PADI3: variants seen among roughly 807,000 people sequenced by gnomAD.
The protein encoded by PADI3 is protein-arginine deiminase type-3.
Under a neutral mutation model 71.5 loss-of-function variants are expected in PADI3, and 53 were observed. That is an observed-to-expected ratio of 0.74 (90% confidence interval 0.59 to 0.93). PADI3 has a LOEUF of 0.93. Among genes scored for constraint, PADI3 ranks in the 40% least tolerant of loss-of-function variants. The pLI, the probability that PADI3 is intolerant of heterozygous loss-of-function variation, is 0.00. For synonymous variants in PADI3, 361 were observed against 347.5 expected, an observed-to-expected ratio of 1.04 and a Z score of -0.43; for missense variants, 821 against 868.0, an observed-to-expected ratio of 0.95 and a Z score of 0.68.
At chr1:17,282,390 T>C (rs2073412909) in intron 15 of PADI3, among the ~76,000 whole-genome samples, 1 of 152,152 alleles carries the variant, frequency 6.6e-6, no homozygotes, top group Non-Finnish European at 1.5e-5. Flanking sequence ...CCTTTGCTTC[T>C]CTGTTCCTGG....
intron 1 of PADI3, among the ~76,000 whole-genome samples, chr1:17,258,404 C>A (rs745328072): frequency 1.3e-5 from 2 of 152,240 alleles, no homozygotes; most frequent in African/African-American, 2.4e-5. Context: ...CAGTGGGCAC[C>A]CCACAGTCAA....
At chr1:17,257,779 G>A (rs1174781820) in intron 1 of PADI3, among the ~76,000 whole-genome samples, 2 of 152,198 alleles carry the variant, frequency 1.3e-5, no homozygotes, top group East Asian at 3.9e-4. Flanking sequence ...GGCCAGCTGT[G>A]GAAATTTGGG....
At position 17,270,272 on chromosome 1, in the gene PADI3, G is replaced by T; in HGVS notation, c.692G>T (p.Gly231Val). The stretch of plus-strand genomic sequence containing the variant: ...TGTGAGGCCTATAGGCATGTGCTGG[G>T]CCAAGATAAGGTGTCCTATGAGGTA... ...DVCEAYRHVL[G>V]QDKVSYEVPR... is the part of the protein sequence containing the mutation. The change falls in exon 7 of 16, where the codon GGC becomes GTC. Residue 231 changes from glycine (G) to valine (V), a missense_variant. Coordinates refer to ENST00000375460, the MANE Select transcript of PADI3 (RefSeq NM_016233.2). 4 of 1,613,806 alleles carry T rather than the reference G, an allele frequency of 2.5e-6. No homozygotes were observed. The highest frequency in any genetic ancestry group is 3.4e-6 in the Non-Finnish European group (4 of 1,179,844).
intron 9 of PADI3, among the ~76,000 whole-genome samples, chr1:17,272,093 G>A (rs1385458282): frequency 6.6e-6 from 1 of 152,180 alleles, no homozygotes; most frequent in Non-Finnish European, 1.5e-5. Context: ...ATAACCCCCT[G>A]TAAGTCCCCC....
chr1:17,258,236 C>A (rs1318706367), intron 1 of PADI3, among the ~76,000 whole-genome samples: 1 of 152,238 alleles, frequency 6.6e-6, no homozygotes, highest in East Asian at 1.9e-4. Context: ...CTCCAACTCG[C>A]AGTGGCCTCT....
chr1:17,280,608 G>A (rs2073388091), intron 14 of PADI3, 63 bp from the exon 15 acceptor site: 2 of 1,608,538 alleles, frequency 1.2e-6, no homozygotes, highest in East Asian at 2.2e-5. Flanking sequence ...GCGACAGGAT[G>A]CCTTGGTGCC....
chr1:17,270,299 C>A lies in PADI3; in HGVS notation c.719C>A (p.Pro240His), dbSNP rs760135960. ...LGQDKVSYEV[P>H]RLHGDEERFF... ...CAAGATAAGGTGTCCTATGAGGTAC[C>A]CCGCTTGCATGGGGATGAGGAGCGC... The change falls in exon 7 of 16, where the codon CCC becomes CAC. Residue 240 changes from proline to histidine, a missense_variant. Pro to His is a moderately conservative substitution (Grantham distance 77). Coordinates refer to ENST00000375460, the MANE Select transcript of PADI3 (RefSeq NM_016233.2). 1 of 1,613,934 alleles carries A rather than the reference C, an allele frequency of 6.2e-7. No homozygotes were observed. The highest frequency in any genetic ancestry group is 1.3e-5 in the African/African-American group (1 of 74,960).
chr1:17,262,269 A>G (rs1173475664), intron 3 of PADI3, 64 bp downstream of exon 3: 2 of 1,216,826 alleles, frequency 1.6e-6, no homozygotes, highest in Non-Finnish European at 1.2e-6. Context: ...AGCAGTACAA[A>G]AGAGTATACG....
intron 15 of PADI3, among the ~76,000 whole-genome samples, chr1:17,282,421 A>G (rs1051507335): frequency 2.0e-5 from 3 of 152,118 alleles, no homozygotes; most frequent in Non-Finnish European, 1.5e-5. Context: ...GAGTATGGCC[A>G]TGCACAGAGA....
At position 17,283,078 on chromosome 1, in the gene PADI3, G is replaced by T; in HGVS notation, c.1994G>T (p.Ter665LeuextTer40). ...FSFKWWNMVP[*>L] ...TTCAAGTGGTGGAACATGGTGCCCT[G>T]AGACAGCTCCCACCCACCATCCTGT... Residue 665 changes from the stop codon to leucine, a stop_lost, in exon 16 of 16, where the codon TGA becomes TTA. Coordinates refer to ENST00000375460, the MANE Select transcript of PADI3 (RefSeq NM_016233.2). 1 of 1,612,568 alleles carries T rather than the reference G, an allele frequency of 6.2e-7. No homozygotes were observed. The highest frequency in any genetic ancestry group is 8.5e-7 in the Non-Finnish European group (1 of 1,178,674).
At chr1:17,253,446 T>C (rs949018286) in intron 1 of PADI3, among the ~76,000 whole-genome samples, 17 of 152,098 alleles carry the variant, frequency 1.1e-4, no homozygotes, top group South Asian at 2.1e-4. Context: ...TAACAGCACA[T>C]GGAAAAGACA....
intron 4 of PADI3, among the ~76,000 whole-genome samples, chr1:17,266,040 T>G (rs1181454889): frequency 6.6e-6 from 1 of 152,210 alleles, no homozygotes; most frequent in African/African-American, 2.4e-5. Context: ...TATTTTAGGC[T>G]TTGTGGGACA....
rs373080079 is a variant in PADI3 at position 17,275,049 on chromosome 1, GGTAA to G, written c.1307+266_1307+269del. On this transcript the variant is annotated intron_variant, in intron 11 of 15. Transcript: ENST00000375460. Reference sequence around the variant, plus strand: ...TCATTTTACAAGTGGGCCCAGAGAGGGTAAGTGAGTCACATAGAAAGCAAAGTTA... The same window carrying G: ...TCATTTTACAAGTGGGCCCAGAGAGGGTGAGTCACATAGAAAGCAAAGTTA... Among the ~76,000 whole-genome samples, 12 of 152,070 alleles carry G rather than the reference GGTAA, an allele frequency of 7.9e-5. No homozygotes were observed. The South Asian group carries it at 1.2e-3, about 16-fold the overall frequency.
At chr1:17,275,436 C>CAA (rs10617336) in intron 11 of PADI3, among the ~76,000 whole-genome samples, 40,623 of 89,292 alleles carry the variant, frequency 0.45, 9,740 homozygotes, top group East Asian at 0.68. Context: ...GACTCCGTCT[C>CAA]AAAAAAAAAA....
chr1:17,272,980 G>C (rs1349807298), intron 9 of PADI3, among the ~76,000 whole-genome samples: 1 of 152,148 alleles, frequency 6.6e-6, no homozygotes, highest in East Asian at 1.9e-4. Context: ...AACCAGAGGG[G>C]TCAGGACTGA....
At position 17,271,094 on chromosome 1, in the gene PADI3, T is replaced by C. The variant is rs756806020; in HGVS notation, c.963T>C (p.Asp321=). 5 of 1,614,056 alleles carry C rather than the reference T, an allele frequency of 3.1e-6. No homozygotes were observed. The South Asian group carries it at 5.5e-5, about 18-fold the overall frequency. ...TGAGGAACAACACGTGTTTTGTGGA[T>C]GCGGTGGCAGAGCTGGCCAGGAAGG... ...CRVRNNTCFV[D]AVAELARKAG... is the part of the protein sequence containing the mutation. The change falls in exon 9 of 16, where the codon GAT becomes GAC. Residue 321 remains aspartate, a synonymous_variant. Coordinates refer to ENST00000375460, the MANE Select transcript of PADI3 (RefSeq NM_016233.2).
intron 6 of PADI3, among the ~76,000 whole-genome samples, chr1:17,268,940 C>T (rs1569900347): frequency 1.4e-5 from 2 of 147,334 alleles, no homozygotes; most frequent in East Asian, 3.9e-4. Context: ...GGCTGGAGTG[C>T]AGTGGCATGA....
At position 17,280,743 on chromosome 1, in the gene PADI3, C is replaced by CCA. The variant is rs1224998691; in HGVS notation, c.1711_1712dup (p.Gln571HisfsTer19). The CCA allele has an allele frequency of 6.2e-7, 1 of 1,614,158 alleles. No individual in the cohort carries two copies. Among genetic ancestry groups the CCA allele is most frequent in the Middle Eastern group, 1.6e-4 (1 of 6,062 alleles). On this transcript the variant is annotated frameshift_variant, in exon 15 of 16. Coordinates refer to ENST00000375460, the MANE Select transcript of PADI3 (RefSeq NM_016233.2). LOFTEE classifies it high-confidence loss of function. ...GGCAGAGTGTGACATCATTGACATC[C>CCA]CACAGCTCTTCAAGACCGAGAGGAA...
Position 17,274,767 on chromosome 1 carries a change from AT to A in PADI3, c.1290del (p.Ile430MetfsTer46). ...GKEYPLGRIL[I>X]GGNLPGSSGR... Reference sequence around the variant, plus strand: ...AGAGTACCCCCTGGGGAGGATCCTCATTGGGGGCAACCTGCCTGGGTGAGAG... The same window carrying A: ...AGAGTACCCCCTGGGGAGGATCCTCATGGGGGCAACCTGCCTGGGTGAGAG... On this transcript the variant is annotated frameshift_variant, in exon 11 of 16. Transcript: ENST00000375460. LOFTEE classifies it high-confidence loss of function. 1 of 1,613,694 alleles carries A rather than the reference AT, an allele frequency of 6.2e-7. No homozygotes were observed. Among genetic ancestry groups the A allele is most frequent in the Non-Finnish European group, 8.5e-7 (1 of 1,179,788 alleles).
Sources: allele counts gnomAD v4.1 joint callset (sites outside exome capture counted in the v4.1 genomes callset), GRCh38; gene constraint gnomAD v4.1.1; transcripts MANE v1.5; gene names NCBI Gene and HGNC (gene_info 2026-07-23, HGNC 2026-07-21).